The following ZNF14 variants were observed in gnomAD, a reference collection of about 807,000 sequenced individuals.
ZNF14 encodes the protein gonadotropin inducible transcription repressor-4.
In ZNF14, 9 loss-of-function variants were observed where a neutral mutation model predicts 11.3. That is an observed-to-expected ratio of 0.80 (90% confidence interval 0.48 to 1.39). ZNF14 has a LOEUF of 1.39. Ranked by LOEUF, ZNF14 falls within the 40% of genes most tolerant of loss-of-function variation. ZNF14 has a pLI of 0.00. For missense variants in ZNF14, 711 were observed against 763.9 expected, an observed-to-expected ratio of 0.93 and a Z score of 0.82; for synonymous variants, 239 against 245.7, an observed-to-expected ratio of 0.97 and a Z score of 0.25.
rs1453401172 is a variant in ZNF14 at position 19,720,884 on chromosome 19, C to T, written c.4-6397G>A. 1.3e-5 allele frequency among the ~76,000 whole-genome samples: 2 copies of T among 152,198 alleles called. No individual in the cohort carries two copies. The highest frequency in any genetic ancestry group is 4.8e-5 in the African/African-American group (2 of 41,444). On this transcript the variant is annotated intron_variant, in intron 1 of 3. Transcript: ENST00000344099. The surrounding 1 kb of genome is among the most constrained non-coding windows in gnomAD (Gnocchi z 4.1). Reference sequence around the variant, plus strand: ...GACAAAGTGAGCACATCCCAAGAAGCTCTTAACCCGGCATGTTTTAATTTA... The same window carrying T: ...GACAAAGTGAGCACATCCCAAGAAGTTCTTAACCCGGCATGTTTTAATTTA...
At chr19:19,721,203 G>A (rs1008660063) in intron 1 of ZNF14, among the ~76,000 whole-genome samples, 3 of 152,016 alleles carry the variant, frequency 2.0e-5, no homozygotes, top group Non-Finnish European at 2.9e-5. Context: ...TGATCTGCCC[G>A]CCTTGGCCTC....
At chr19:19,732,499 G>A (rs1311691955) in intron 1 of ZNF14, among the ~76,000 whole-genome samples, 7 of 152,190 alleles carry the variant, frequency 4.6e-5, no homozygotes, top group Admixed American at 3.3e-4. Context: ...TGGTGATGAG[G>A]GCAGGGGCGT....
chr19:19,713,568 C>G (rs2062368583), intron 3 of ZNF14, among the ~76,000 whole-genome samples: 1 of 152,018 alleles, frequency 6.6e-6, no homozygotes, highest in African/African-American at 2.4e-5. Flanking sequence ...CCTGCCTCAG[C>G]CTCCTGGGTA....
At chr19:19,728,501 G>A (rs2062412381) in intron 1 of ZNF14, among the ~76,000 whole-genome samples, 2 of 74,038 alleles carry the variant, frequency 2.7e-5, no homozygotes, top group South Asian at 1.0e-3. Context: ...GTGCGAAAGT[G>A]CGAAACTCCG....
intron 1 of ZNF14, among the ~76,000 whole-genome samples, chr19:19,731,536 G>A (rs2145108613): frequency 6.6e-6 from 1 of 151,728 alleles, no homozygotes; most frequent in Middle Eastern, 3.4e-3. Context: ...TGATCATGCC[G>A]TTGCACTCCA....
chr19:19,711,209 TTC>T lies in ZNF14; in HGVS notation c.*141_*142del. The T allele has an allele frequency of 1.1e-6, 1 of 883,852 alleles. No individual in the cohort carries two copies. Among genetic ancestry groups the T allele is most frequent in the Non-Finnish European group, 1.6e-6 (1 of 614,344 alleles). The allele number at this position is 883,852 out of a possible 1,614,324, so 54.8% of individuals were successfully genotyped here. A position where few individuals can be genotyped will look rare whatever the true frequency, so the allele number is the denominator to read the frequency against. On this transcript the variant is annotated 3_prime_UTR_variant, in exon 4 of 4. Transcript: ENST00000344099. ...TCATACTGTTTCTCACCAGTGGGAA[TTC>T]TTTCGTGCTCAAAAGAAACTGGAAC...
chr19:19,718,024 AT>A (rs1000227738), intron 1 of ZNF14, among the ~76,000 whole-genome samples: 11 of 152,238 alleles, frequency 7.2e-5, no homozygotes, highest in African/African-American at 2.7e-4. Flanking sequence ...ACCCAGTAGG[AT>A]AAACCTAAAA....
intron 1 of ZNF14, among the ~76,000 whole-genome samples, chr19:19,730,122 A>C (rs1468216347): frequency 6.6e-6 from 1 of 152,048 alleles, no homozygotes; most frequent in Admixed American, 6.6e-5. Context: ...GGTTCAAGCA[A>C]TTCTAATTCT....
Position 19,731,615 on chromosome 19 carries a change from G to A in ZNF14, c.3+1341C>T, listed in dbSNP as rs145293782. ...AAACAACAACAAAACTACCCACAAT[G>A]ACTCTAGACTTAGGAACCTTCCACT... is the stretch of plus-strand genomic sequence containing the variant. On this transcript the variant is annotated intron_variant, in intron 1 of 3. Transcript: ENST00000344099. Among the ~76,000 whole-genome samples the A allele has an allele frequency of 2.1e-3, 326 of 152,020 alleles. 1 individual carries two copies. Among genetic ancestry groups the A allele is most frequent in the Middle Eastern group, 6.8e-3 (2 of 294 alleles).
At chr19:19,721,098 T>C (rs1240680830) in intron 1 of ZNF14, among the ~76,000 whole-genome samples, 3 of 152,044 alleles carry the variant, frequency 2.0e-5, no homozygotes, top group South Asian at 4.1e-4. Context: ...GCTAGGACTA[T>C]AGGCACGCAC....
At chr19:19,717,984 C>T (rs112890265) in intron 1 of ZNF14, among the ~76,000 whole-genome samples, 18 of 152,282 alleles carry the variant, frequency 1.2e-4, no homozygotes, top group South Asian at 4.1e-4. Context: ...CTGACATCTA[C>T]GGCTACTGAA....
chr19:19,711,581 G>C lies in ZNF14; in HGVS notation c.1700C>G (p.Ala567Gly). ...TCGAAATTTACTGGAAGAAATGAAG[G>C]CTTTTCCACATTGTTTACATTGATA... ...KPYQCKQCGKAFISSSKFRMH... is the reference protein window; with the variant it reads ...KPYQCKQCGKGFISSSKFRMH... Residue 567 changes from alanine to glycine, a missense_variant, in exon 4 of 4, where the codon GCC becomes GGC. Coordinates refer to ENST00000344099, the MANE Select transcript of ZNF14 (RefSeq NM_021030.3). 1 of 1,613,830 alleles carries C rather than the reference G, an allele frequency of 6.2e-7. No individual in the cohort carries two copies. The highest frequency in any genetic ancestry group is 1.1e-5 in the South Asian group (1 of 91,010).
chr19:19,728,381 T>C lies in ZNF14; in HGVS notation c.3+4575A>G, dbSNP rs572250511. 2.5e-3 allele frequency among the ~76,000 whole-genome samples: 319 copies of C among 127,820 alleles called. 79 individuals carry two copies. Among genetic ancestry groups the C allele is most frequent in the Admixed American group, 5.1e-3 (65 of 12,824 alleles). The allele number at this position is 127,820 out of a possible 152,430, so 83.9% of individuals were successfully genotyped here. A position where few individuals can be genotyped will look rare whatever the true frequency, so the allele number is the denominator to read the frequency against. On this transcript the variant is annotated intron_variant, in intron 1 of 3. Transcript: ENST00000344099. ...AAATACAAAAAGTAGCCAGGCATGG[T>C]GGCAGGCACCTGTAATCCCAGCTAC...
In ZNF14 at chr19:19,720,963, TATTG is replaced by T. The variant is rs2062391561; in HGVS notation, c.4-6480_4-6477del. On this transcript the variant is annotated intron_variant, in intron 1 of 3. Transcript: ENST00000344099. The surrounding 1 kb of genome is among the most constrained non-coding windows in gnomAD (Gnocchi z 4.1). ...ACCTCCTACTCTTACTTTATTTATT[TATTG>T]ATTTTTTTGAGACAGAGTCTTGCTC... Among the ~76,000 whole-genome samples the T allele has an allele frequency of 6.6e-6, 1 of 152,184 alleles. No homozygotes were observed. Among genetic ancestry groups the T allele is most frequent in the Non-Finnish European group, 1.5e-5 (1 of 68,030 alleles).
At position 19,729,389 on chromosome 19, in the gene ZNF14, C is replaced by T. The variant is rs547717836; in HGVS notation, c.3+3567G>A. Reference sequence around the variant, plus strand: ...GGAGTGCAATGGCGCAATCTCAGCTCGCTGCAACCTCAGCCTCCTGGGTTC... The same window carrying T: ...GGAGTGCAATGGCGCAATCTCAGCTTGCTGCAACCTCAGCCTCCTGGGTTC... On this transcript the variant is annotated intron_variant, in intron 1 of 3. Transcript: ENST00000344099. Among the ~76,000 whole-genome samples the T allele has an allele frequency of 1.8e-3, 270 of 151,472 alleles. 2 individuals carry two copies. Among genetic ancestry groups the T allele is most frequent in the African/African-American group, 6.0e-3 (246 of 41,222 alleles).
chr19:19,720,098 G>A lies in ZNF14; in HGVS notation c.4-5611C>T, dbSNP rs1054129060. Among the ~76,000 whole-genome samples, 5 of 152,078 alleles carry A rather than the reference G, an allele frequency of 3.3e-5. No individual in the cohort carries two copies. The East Asian group carries it at 7.7e-4, about 23-fold the overall frequency. On this transcript the variant is annotated intron_variant, in intron 1 of 3. Coordinates refer to ENST00000344099, the MANE Select transcript of ZNF14 (RefSeq NM_021030.3). The surrounding 1 kb of genome is among the most constrained non-coding windows in gnomAD (Gnocchi z 4.1). ...AATAATGAGGCAAAACTGATGGAAC[G>A]GCAGGGAGAACTGCATGGAGCCATG...
At position 19,724,262 on chromosome 19, in the gene ZNF14, A is replaced by G. The variant is rs1356611562; in HGVS notation, c.3+8694T>C. 2.2e-5 allele frequency among the ~76,000 whole-genome samples: 3 copies of G among 133,510 alleles called. 1 individual carries two copies. Among genetic ancestry groups the G allele is most frequent in the African/African-American group, 8.3e-5 (3 of 36,240 alleles). The allele number at this position is 133,510 out of a possible 152,430, so 87.6% of individuals were successfully genotyped here. On this transcript the variant is annotated intron_variant, in intron 1 of 3. Transcript: ENST00000344099. ...CTACACGCTGCTTTAAATGTGTCCCAGAGATTCTGGTATGTTTTGTCTTTG... is the reference window on the plus strand; with the variant it reads ...CTACACGCTGCTTTAAATGTGTCCCGGAGATTCTGGTATGTTTTGTCTTTG...
chr19:19,714,054 C>T, intron 3 of ZNF14, 37 bp downstream of exon 3: 1 of 1,589,162 alleles, frequency 6.3e-7, no homozygotes. Flanking sequence ...TTTGAAATTC[C>T]CCCACGGGCC....
intron 1 of ZNF14, 80 bp from the exon 2 acceptor site, chr19:19,714,567 C>G: frequency 6.7e-7 from 1 of 1,502,748 alleles, no homozygotes; most frequent in Non-Finnish European, 8.9e-7. Flanking sequence ...GTAAGAAGTT[C>G]CCATACAATT....
Sources: gnomAD v4.1 joint callset for allele counts (sites outside exome capture counted in the v4.1 genomes callset) on GRCh38, gnomAD v4.1.1 for gene constraint, Gnocchi (gnomAD v3.1) non-coding constraint, MANE v1.5 for transcripts, NCBI Gene and HGNC (gene_info 2026-07-23, HGNC 2026-07-21) for gene names.